The following WDPCP variants were observed in gnomAD, a reference collection of about 807,000 sequenced individuals.
WDPCP encodes the protein WD repeat containing planar cell polarity effector.
In WDPCP, 71 loss-of-function variants were observed where a neutral mutation model predicts 93.1. The ratio of observed to expected loss-of-function variants is 0.76; its 90% confidence interval spans 0.63 to 0.93. The LOEUF (loss-of-function observed/expected upper bound fraction) is 0.93. WDPCP is among the 40% of genes least tolerant of loss of function. The pLI is 0.00. For synonymous variants in WDPCP, 315 were observed against 315.0 expected, an observed-to-expected ratio of 1.00 and a Z score of 0.00; for missense variants, 844 against 887.4, an observed-to-expected ratio of 0.95 and a Z score of 0.62.
intron 3 of WDPCP, among the ~76,000 whole-genome samples, chr2:63,648,810 T>C (rs935632498): frequency 6.6e-6 from 1 of 152,218 alleles, no homozygotes; most frequent in Non-Finnish European, 1.5e-5. Context: ...AAAGAATGAC[T>C]ACCTTCTTCC....
At chr2:63,428,004 C>A (rs1350314242) in intron 9 of WDPCP, among the ~76,000 whole-genome samples, 1 of 152,052 alleles carries the variant, frequency 6.6e-6, no homozygotes, top group Non-Finnish European at 1.5e-5. Flanking sequence ...TGGAAACACA[C>A]AACCCCTCAA....
intron 12 of WDPCP, among the ~76,000 whole-genome samples, chr2:63,327,126 C>A (rs1407047946): frequency 6.6e-6 from 1 of 152,156 alleles, no homozygotes; most frequent in African/African-American, 2.4e-5. Flanking sequence ...TAGATGGTTC[C>A]TCCCAGGCGA....
intron 3 of WDPCP, among the ~76,000 whole-genome samples, chr2:63,625,790 C>T (rs1274570306): frequency 6.6e-6 from 1 of 151,958 alleles, no homozygotes; most frequent in Non-Finnish European, 1.5e-5. Flanking sequence ...TCAATGCTAT[C>T]CCCATCAAGC....
chr2:63,835,621 T>C, the WDPCP span, among the ~76,000 whole-genome samples: 1 of 151,200 alleles, frequency 6.6e-6, no homozygotes, highest in African/African-American at 2.4e-5. Context: ...AGTAGCTATG[T>C]GATCTAAAAA....
chr2:63,184,621 T>C (rs887590511), intron 14 of WDPCP, among the ~76,000 whole-genome samples: 3 of 152,172 alleles, frequency 2.0e-5, no homozygotes, highest in African/African-American at 7.2e-5. Flanking sequence ...AGTGACTAGA[T>C]GATTTTCTCT....
chr2:63,571,693 C>T, intron 1 of WDPCP: 1 of 458,994 alleles, frequency 2.2e-6, no homozygotes, highest in South Asian at 1.6e-5. Flanking sequence ...TTTTAAGATG[C>T]CAGAAAAGTT....
chr2:63,323,788 G>C (rs921410438), intron 12 of WDPCP, among the ~76,000 whole-genome samples: 1 of 152,074 alleles, frequency 6.6e-6, no homozygotes, highest in Non-Finnish European at 1.5e-5. Flanking sequence ...CGTTGGTAAG[G>C]GCCACTAAAT....
intron 9 of WDPCP, among the ~76,000 whole-genome samples, chr2:63,416,016 G>A (rs891916973): frequency 7.2e-5 from 11 of 152,006 alleles, no homozygotes; most frequent in African/African-American, 2.7e-4. Context: ...TAAAAATAAA[G>A]ATAATGCTTT....
chr2:63,124,347 A>C (rs1176172513), intron 17 of WDPCP, among the ~76,000 whole-genome samples: 1 of 151,870 alleles, frequency 6.6e-6, no homozygotes, highest in Non-Finnish European at 1.5e-5. Flanking sequence ...ACTGAATGAA[A>C]CTACGTGTTA....
intron 17 of WDPCP, among the ~76,000 whole-genome samples, chr2:63,136,346 A>T (rs1670617180): frequency 6.6e-6 from 1 of 152,148 alleles, no homozygotes; most frequent in African/African-American, 2.4e-5. Context: ...AGAATATGAA[A>T]TTTAAGAAAA....
At chr2:63,628,000 C>A (rs910528003) in intron 3 of WDPCP, among the ~76,000 whole-genome samples, 1 of 152,196 alleles carries the variant, frequency 6.6e-6, no homozygotes. Flanking sequence ...GTAACGCACA[C>A]CCTCTGGGGC....
At chr2:63,320,427 C>G (rs115780969) in intron 12 of WDPCP, among the ~76,000 whole-genome samples, 2 of 152,232 alleles carry the variant, frequency 1.3e-5, no homozygotes, top group Non-Finnish European at 2.9e-5. Context: ...ATATAAAGAA[C>G]TCCATTACCT....
rs781001580 is a variant in WDPCP, at chr2:63,239,244, C to T, written c.1915+20063G>A. On this transcript the variant is annotated intron_variant, in intron 14 of 17. Transcript: ENST00000272321. ...TTTTCTTTTTTTTGAGACGGAGTCT[C>T]GCTCTTTCACCCAGGCTGGAGTGCA... Among the ~76,000 whole-genome samples, 5 of 152,158 alleles carry T rather than the reference C, an allele frequency of 3.3e-5. No individual in the cohort carries two copies. In the East Asian group the frequency reaches 5.8e-4, roughly 18 times the overall value.
At chr2:63,480,479 C>T (rs916681777) in intron 6 of WDPCP, among the ~76,000 whole-genome samples, 5 of 152,066 alleles carry the variant, frequency 3.3e-5, no homozygotes, top group African/African-American at 4.8e-5. Context: ...TTCCTGACTT[C>T]GAACTATAAT....
chr2:63,180,947 A>G (rs1292888162), intron 14 of WDPCP, among the ~76,000 whole-genome samples: 1 of 152,120 alleles, frequency 6.6e-6, no homozygotes, highest in African/African-American at 2.4e-5. Flanking sequence ...AAATTTTTTC[A>G]TATGCAGGTT....
intron 12 of WDPCP, among the ~76,000 whole-genome samples, chr2:63,317,930 A>T (rs115872727): frequency 1.3e-3 from 204 of 152,282 alleles, no homozygotes; most frequent in African/African-American, 4.5e-3. Flanking sequence ...AGACCAATTA[A>T]ACTAAAGAAC....
chr2:63,795,015 A>C (rs575247421), intron 2 of WDPCP, among the ~76,000 whole-genome samples: 1 of 152,338 alleles, frequency 6.6e-6, no homozygotes, highest in East Asian at 1.9e-4. Context: ...AAATGACAAC[A>C]CAGAAAAGTG....
intron 2 of WDPCP, among the ~76,000 whole-genome samples, chr2:63,746,686 C>T (rs1183444572): frequency 6.6e-6 from 1 of 152,090 alleles, no homozygotes. Context: ...CTGCAGCGCC[C>T]CAAGGTTTGC....
chr2:63,306,162 C>T (rs1685723580), intron 13 of WDPCP, among the ~76,000 whole-genome samples: 2 of 152,290 alleles, frequency 1.3e-5, no homozygotes, highest in South Asian at 4.1e-4. Context: ...AATTCCTGGA[C>T]ACGTACACCC....
Sources: allele counts gnomAD v4.1 joint callset (sites outside exome capture counted in the v4.1 genomes callset), GRCh38; gene constraint gnomAD v4.1.1; transcripts MANE v1.5; gene names NCBI Gene and HGNC (gene_info 2026-07-23, HGNC 2026-07-21).